Variants in FAAP20 observed in about 807,000 individuals in gnomAD.
FAAP20 encodes the protein FA core complex associated protein 20.
In FAAP20, 12 loss-of-function variants were observed where a neutral mutation model predicts 16.2. The observed-to-expected ratio is 0.74, with a 90% confidence interval of 0.48 to 1.20. The LOEUF (loss-of-function observed/expected upper bound fraction) is 1.20, where lower values mean the gene tolerates loss of function less well. Among genes scored for constraint, FAAP20 ranks in the 50% most tolerant of loss-of-function variants. FAAP20 has a pLI of 0.00. For synonymous variants in FAAP20, 141 were observed against 110.7 expected (o/e 1.27, Z -1.72); for missense variants, 288 against 245.8 (o/e 1.17, Z -1.15).
chr1:2,187,345 C>T, downstream of FAAP20: 1 of 338,254 alleles, frequency 3.0e-6, no homozygotes. Context: ...TACTCTGTAG[C>T]CCAGGCTGGA....
At chr1:2,193,212 C>T (rs1254016464) in intron 3 of FAAP20, 2 of 315,810 alleles carry the variant, frequency 6.3e-6, no homozygotes, top group Non-Finnish European at 1.2e-5. Flanking sequence ...TTAAAAAATA[C>T]ATAAAAATAT....
chr1:2,208,027 C>T (rs757030052), downstream of FAAP20, among the ~76,000 whole-genome samples: 2 of 152,092 alleles, frequency 1.3e-5, no homozygotes, highest in African/African-American at 4.8e-5. Flanking sequence ...TGTGGACATG[C>T]GTGCGGTGTT....
At chr1:2,195,381 C>T (rs969533744), upstream of FAAP20, among the ~76,000 whole-genome samples, 31 of 152,340 alleles carry the variant, frequency 2.0e-4, no homozygotes, top group African/African-American at 6.5e-4. Flanking sequence ...GCCCAGGCAC[C>T]CTGGTGCCAC....
chr1:2,198,331 C>A (rs563057812), upstream of FAAP20: 351 of 476,638 alleles, frequency 7.4e-4, 4 homozygotes, highest in South Asian at 6.8e-3. Flanking sequence ...ACCTGCAGAC[C>A]GGTGGGCTAG....
Position 2,193,752 on chromosome 1 carries a change from G to A in FAAP20, c.357C>T (p.Pro119=), listed in dbSNP as rs1210544443. ...TGCAGGGATCAGGTGCCGGGCGCTGGGGCAGGGACCTGGCGGGGGATTCCA... is the reference window on the plus strand; with the variant it reads ...TGCAGGGATCAGGTGCCGGGCGCTGAGGCAGGGACCTGGCGGGGGATTCCA... ...GHLESPARSL[P]QRPAPDPCRA... is the part of the protein sequence containing the mutation. The change falls in exon 3 of 4, where the codon CCC becomes CCT. Residue 119 remains proline (P), a synonymous_variant. Coordinates refer to ENST00000378546, the MANE Select transcript of FAAP20 (RefSeq NM_182533.4). The A allele has an allele frequency of 1.9e-6, 3 of 1,592,302 alleles. No homozygotes were observed. Among genetic ancestry groups the A allele is most frequent in the Admixed American group, 1.9e-5 (1 of 52,756 alleles).
chr1:2,198,718 C>T, upstream of FAAP20: 1 of 1,270,800 alleles, frequency 7.9e-7, no homozygotes, highest in South Asian at 1.3e-5. Context: ...GGCTAAATGG[C>T]CCAGCACCCA....
intron 1 of FAAP20, 32 bp downstream of exon 1, chr1:2,194,656 C>T (rs947479156): frequency 1.3e-5 from 14 of 1,077,892 alleles, no homozygotes; most frequent in African/African-American, 1.7e-5. Flanking sequence ...GCGGGAAAAC[C>T]GGCCGCGCCC....
At chr1:2,210,659 G>C (rs904665343), downstream of FAAP20, among the ~76,000 whole-genome samples, 3 of 152,214 alleles carry the variant, frequency 2.0e-5, no homozygotes, top group Non-Finnish European at 4.4e-5. Context: ...GCAAGACACT[G>C]CCAAGACTTG....
At chr1:2,205,433 C>A (rs1689222998) in intron 3 of FAAP20, among the ~76,000 whole-genome samples, 1 of 150,914 alleles carries the variant, frequency 6.6e-6, no homozygotes, top group Admixed American at 6.6e-5. Flanking sequence ...CCAGCCACCT[C>A]GCCGCTTCAA....
chr1:2,187,348 A>C, downstream of FAAP20: 4 of 330,068 alleles, frequency 1.2e-5, no homozygotes, highest in South Asian at 9.5e-5. Flanking sequence ...TCTGTAGCCC[A>C]GGCTGGAGTG....
rs538329449 is a variant in FAAP20, at chr1:2,207,131, G to A, written n.178+425C>T. Among the ~76,000 whole-genome samples, 4 of 152,336 alleles carry A rather than the reference G, an allele frequency of 2.6e-5. No homozygotes were observed. In the East Asian group the frequency reaches 5.8e-4, roughly 22 times the overall value. Reference sequence around the variant, plus strand: ...GTGGGGGGCCAGTGAGGGCTGGGCCGGTGAGGGGTGGATGTGATGTTTTGC... The same window carrying A: ...GTGGGGGGCCAGTGAGGGCTGGGCCAGTGAGGGGTGGATGTGATGTTTTGC... On this transcript the variant is annotated intron_variant and non_coding_transcript_variant, in intron 1 of 7. Coordinates refer to the FAAP20 transcript ENST00000469733.
chr1:2,203,438 G>C, upstream of FAAP20: 1 of 985,790 alleles, frequency 1.0e-6, no homozygotes, highest in Non-Finnish European at 1.2e-6. Context: ...AGCCTCACCG[G>C]TGCAGGCCAC....
At chr1:2,196,309 T>G (rs1217843619), upstream of FAAP20, among the ~76,000 whole-genome samples, 1 of 152,174 alleles carries the variant, frequency 6.6e-6, no homozygotes, top group African/African-American at 2.4e-5. This position sits in a 1 kb window ranked among gnomAD's most constrained non-coding sequence, Gnocchi z 4.5. Flanking sequence ...TGCCTGCAAT[T>G]CTAGGACTTG....
downstream of FAAP20, among the ~76,000 whole-genome samples, chr1:2,210,171 T>G (rs1348768703): frequency 6.6e-6 from 1 of 152,142 alleles, no homozygotes; most frequent in Non-Finnish European, 1.5e-5. Flanking sequence ...TGCCCAGACC[T>G]GCGAGTGTGC....
At chr1:2,185,228 T>C (rs1393256771), downstream of FAAP20, 1 of 708,168 alleles carries the variant, frequency 1.4e-6, no homozygotes, top group Non-Finnish European at 2.6e-6. Flanking sequence ...AGGAACTTGC[T>C]GCTGTGCCTG....
downstream of FAAP20, among the ~76,000 whole-genome samples, chr1:2,207,245 C>G (rs1287670087): frequency 6.6e-6 from 1 of 152,106 alleles, no homozygotes; most frequent in Non-Finnish European, 1.5e-5. Flanking sequence ...CCCACATGGC[C>G]TGTGCATCCA....
At chr1:2,186,815 T>C, downstream of FAAP20, 1 of 157,436 alleles carries the variant, frequency 6.4e-6, no homozygotes, top group South Asian at 1.7e-4. Flanking sequence ...CTCCTTGATT[T>C]GTTAAATATT....
chr1:2,188,984 G>A (rs1201784294), downstream of FAAP20, among the ~76,000 whole-genome samples: 1 of 135,848 alleles, frequency 7.4e-6, no homozygotes, highest in Non-Finnish European at 1.5e-5. Flanking sequence ...CAGCCTGGGC[G>A]ACAGAGCGAG....
downstream of FAAP20, among the ~76,000 whole-genome samples, chr1:2,188,940 G>C (rs1489146513): frequency 6.6e-6 from 1 of 150,704 alleles, no homozygotes; most frequent in Non-Finnish European, 1.5e-5. Context: ...GGGAGGCGGA[G>C]CTTGCAGTGA....
Sources: gnomAD v4.1 joint callset for allele counts (sites outside exome capture counted in the v4.1 genomes callset) on GRCh38, gnomAD v4.1.1 for gene constraint, Gnocchi (gnomAD v3.1) non-coding constraint, MANE v1.5 for transcripts, NCBI Gene and HGNC (gene_info 2026-07-23, HGNC 2026-07-21) for gene names.